Variants in CNTN5 observed in about 807,000 individuals in gnomAD.
CNTN5 encodes the protein contactin-5.
Under a neutral mutation model 129.1 loss-of-function variants are expected in CNTN5, and 77 were observed. The observed-to-expected ratio is 0.60, with a 90% CI of 0.50 to 0.72. The LOEUF (loss-of-function observed/expected upper bound fraction) is 0.72. CNTN5 is among the 30% of genes least tolerant of loss of function. The pLI is 0.00. For missense variants in CNTN5, 1,478 were observed against 1,328.8 expected, an observed-to-expected ratio of 1.11 and a Z score of -1.75; for synonymous variants, 509 against 465.6, an observed-to-expected ratio of 1.09 and a Z score of -1.20.
chr11:100,060,764 A>G (rs112365137), intron 9 of CNTN5, among the ~76,000 whole-genome samples: 17,521 of 150,866 alleles, frequency 0.12, 1,212 homozygotes, highest in Middle Eastern at 0.25. Context: ...CTCAGCCTCC[A>G]GAATAGCTGG....
At chr11:99,913,528 A>G (rs1477548298) in intron 6 of CNTN5, among the ~76,000 whole-genome samples, 1 of 152,104 alleles carries the variant, frequency 6.6e-6, no homozygotes, top group Non-Finnish European at 1.5e-5. Context: ...GGAAATAATG[A>G]CACAGAGACA....
At chr11:100,294,763 C>T (rs142733896) in intron 18 of CNTN5, among the ~76,000 whole-genome samples, 1,787 of 151,582 alleles carry the variant, frequency 0.012, 38 homozygotes, top group African/African-American at 0.04. Flanking sequence ...AACTTTTACA[C>T]CATAAGCGCT....
rs114865659 is a variant in CNTN5, at chr11:100,045,013, A to G, written c.981-16199A>G. On this transcript the variant is annotated intron_variant, in intron 9 of 24. Coordinates refer to ENST00000524871, the MANE Select transcript of CNTN5 (RefSeq NM_014361.4). ...GTCTCCTTTTTTCTCAGGCCATCAA[A>G]ATGCAGTTTTCTCTCCTACTGCAAG... Among the ~76,000 whole-genome samples, 1,106 of 152,142 alleles carry G rather than the reference A, an allele frequency of 7.3e-3. 9 individuals are homozygous for G. Among genetic ancestry groups the G allele is most frequent in the African/African-American group, 0.024 (990 of 41,516 alleles).
At chr11:99,784,395 C>A (rs529788481) in intron 3 of CNTN5, among the ~76,000 whole-genome samples, 50 of 151,978 alleles carry the variant, frequency 3.3e-4, no homozygotes, top group African/African-American at 1.1e-3. Flanking sequence ...TGAGAACATG[C>A]GGTGTTTGGT....
intron 9 of CNTN5, among the ~76,000 whole-genome samples, chr11:100,007,952 G>A (rs899699437): frequency 1.3e-5 from 2 of 151,880 alleles, no homozygotes; most frequent in East Asian, 3.9e-4. Context: ...ACCATTGTAG[G>A]GTTATTAATT....
At chr11:100,069,583 A>G (rs1943826040) in intron 10 of CNTN5, among the ~76,000 whole-genome samples, 1 of 152,202 alleles carries the variant, frequency 6.6e-6, no homozygotes, top group Non-Finnish European at 1.5e-5. Flanking sequence ...ATAGCCTCTA[A>G]GATCGAACAA....
chr11:99,231,117 C>T (rs577412260), intron 1 of CNTN5, among the ~76,000 whole-genome samples: 1 of 152,172 alleles, frequency 6.6e-6, no homozygotes, highest in African/African-American at 2.4e-5. Flanking sequence ...TAAATATATG[C>T]ATGCATGTAT....
At chr11:100,197,460 G>T (rs993572901) in intron 15 of CNTN5, among the ~76,000 whole-genome samples, 1 of 151,922 alleles carries the variant, frequency 6.6e-6, no homozygotes, top group Non-Finnish European at 1.5e-5. Context: ...GGAGATAATC[G>T]TTGTAAGTGT....
intron 13 of CNTN5, among the ~76,000 whole-genome samples, chr11:100,156,363 T>C (rs998363232): frequency 2.6e-5 from 4 of 152,198 alleles, no homozygotes; most frequent in African/African-American, 9.6e-5. Context: ...GACTTGATCA[T>C]GGTGGATAAG....
At chr11:100,253,490 CGAA>C (rs1218186044) in intron 16 of CNTN5, among the ~76,000 whole-genome samples, 3 of 152,012 alleles carry the variant, frequency 2.0e-5, no homozygotes, top group East Asian at 3.8e-4. Context: ...CTCCCAGTGA[CGAA>C]GAAGTAAATG....
intron 3 of CNTN5, among the ~76,000 whole-genome samples, chr11:99,736,549 T>A (rs1465234917): frequency 6.6e-6 from 1 of 152,210 alleles, no homozygotes; most frequent in Admixed American, 6.5e-5. Context: ...CTAATGTGTT[T>A]AATCTATCTC....
intron 21 of CNTN5, among the ~76,000 whole-genome samples, chr11:100,317,687 T>C (rs1951596654): frequency 6.6e-6 from 1 of 152,224 alleles, no homozygotes; most frequent in Non-Finnish European, 1.5e-5. Context: ...TTGTTTAACC[T>C]GTTCTTTTCT....
chr11:99,828,469 A>T (rs1165451205), intron 4 of CNTN5, among the ~76,000 whole-genome samples: 1 of 152,228 alleles, frequency 6.6e-6, no homozygotes, highest in Non-Finnish European at 1.5e-5. Flanking sequence ...GCAAGAATGG[A>T]TAATGCAATT....
intron 4 of CNTN5, among the ~76,000 whole-genome samples, chr11:99,825,936 C>T (rs938859120): frequency 2.0e-5 from 3 of 152,002 alleles, no homozygotes; most frequent in African/African-American, 4.8e-5. Flanking sequence ...GAAAATACAA[C>T]ATCTTTCTTT....
intron 7 of CNTN5, among the ~76,000 whole-genome samples, chr11:99,929,663 TACTG>T (rs1950146613): frequency 6.6e-6 from 1 of 152,112 alleles, no homozygotes; most frequent in African/African-American, 2.4e-5. Context: ...TGTGAGAACT[TACTG>T]ACTTCATGAG....
At chr11:99,695,315 GC>G (rs1307115457) in intron 3 of CNTN5, among the ~76,000 whole-genome samples, 2 of 151,828 alleles carry the variant, frequency 1.3e-5, no homozygotes, top group Non-Finnish European at 2.9e-5. Context: ...CAGCAAGCAG[GC>G]CCACAAGCAG....
At chr11:100,084,206 C>T (rs1475772442) in intron 13 of CNTN5, among the ~76,000 whole-genome samples, 1 of 152,114 alleles carries the variant, frequency 6.6e-6, no homozygotes, top group East Asian at 1.9e-4. Context: ...CCATTAATTG[C>T]TCACAGGTTT....
At chr11:99,555,522 A>G (rs1948634940) in intron 2 of CNTN5, among the ~76,000 whole-genome samples, 1 of 152,020 alleles carries the variant, frequency 6.6e-6, no homozygotes, top group Non-Finnish European at 1.5e-5. Context: ...AGACAAAAAC[A>G]TTAAATATTC....
At chr11:99,055,778 A>T (rs1864602005) in intron 1 of CNTN5, among the ~76,000 whole-genome samples, 1 of 151,936 alleles carries the variant, frequency 6.6e-6, no homozygotes, top group Non-Finnish European at 1.5e-5. Context: ...GTCCATTCTA[A>T]CTTATTGTCA....
Sources: gnomAD v4.1 joint callset for allele counts (sites outside exome capture counted in the v4.1 genomes callset) on GRCh38, gnomAD v4.1.1 for gene constraint, MANE v1.5 for transcripts, NCBI Gene and HGNC (gene_info 2026-07-23, HGNC 2026-07-21) for gene names.